Variants in CATSPERT observed in about 807,000 individuals in gnomAD.
The protein encoded by CATSPERT is cation channel sperm-associated targeting subunit tau.
the CATSPERT span, among the ~76,000 whole-genome samples, chr2:201,562,528 T>G: frequency 2.3e-5 from 1 of 43,470 alleles, no homozygotes; most frequent in Non-Finnish European, 5.0e-5. Flanking sequence ...ATTTATTTAT[T>G]TTTTTTATTG....
chr2:201,498,706 AT>A, the CATSPERT span, among the ~76,000 whole-genome samples: 18 of 152,194 alleles, frequency 1.2e-4, no homozygotes, highest in Non-Finnish European at 2.4e-4. Flanking sequence ...GTCCATAGTT[AT>A]TAAAGAGCTG....
At chr2:201,583,662 C>T in the CATSPERT span, among the ~76,000 whole-genome samples, 3 of 152,232 alleles carry the variant, frequency 2.0e-5, no homozygotes, top group Non-Finnish European at 2.9e-5. Flanking sequence ...ACAAATCTTG[C>T]GTAGAGCTCC....
At chr2:201,497,736 A>G in the CATSPERT span, among the ~76,000 whole-genome samples, 1 of 152,228 alleles carries the variant, frequency 6.6e-6, no homozygotes, top group African/African-American at 2.4e-5. Context: ...TATTGGGGGA[A>G]TGCTCTAGGT....
chr2:201,579,539 C>G, the CATSPERT span, among the ~76,000 whole-genome samples: 1 of 152,172 alleles, frequency 6.6e-6, no homozygotes, highest in African/African-American at 2.4e-5. Context: ...CTCCCTCAGC[C>G]TCCCAAAGTC....
chr2:201,592,576 C>T, the CATSPERT span, among the ~76,000 whole-genome samples: 2 of 150,754 alleles, frequency 1.3e-5, no homozygotes, highest in African/African-American at 4.9e-5. Flanking sequence ...CTCCTTGTAC[C>T]TCTGGTAGAA....
the CATSPERT span, among the ~76,000 whole-genome samples, chr2:201,573,763 TCTC>T: frequency 6.6e-6 from 1 of 152,114 alleles, no homozygotes; most frequent in East Asian, 1.9e-4. Context: ...TTCAAGCGAT[TCTC>T]CTGCCCCAGC....
chr2:201,500,636 T>C, the CATSPERT span, among the ~76,000 whole-genome samples: 2 of 152,192 alleles, frequency 1.3e-5, no homozygotes, highest in East Asian at 3.9e-4. Flanking sequence ...CCTGGAGATA[T>C]AAAGTCCATC....
At chr2:201,563,212 C>T in the CATSPERT span, among the ~76,000 whole-genome samples, 4 of 125,668 alleles carry the variant, frequency 3.2e-5, no homozygotes, top group African/African-American at 9.0e-5. Flanking sequence ...ACCTCCCTCC[C>T]GGACTGGGCG....
the CATSPERT span, among the ~76,000 whole-genome samples, chr2:201,584,311 A>T: frequency 4.6e-5 from 7 of 151,886 alleles, no homozygotes; most frequent in Non-Finnish European, 1.0e-4. Flanking sequence ...TAGTAATAAA[A>T]TAAAATAAAG....
chr2:201,489,171 G>A, the CATSPERT span, among the ~76,000 whole-genome samples: 1 of 152,330 alleles, frequency 6.6e-6, no homozygotes, highest in South Asian at 2.1e-4. Context: ...TTAGAGGAAA[G>A]TTTAGGAACA....
chr2:201,537,879 T>C, the CATSPERT span, among the ~76,000 whole-genome samples: 2 of 151,876 alleles, frequency 1.3e-5, no homozygotes, highest in Non-Finnish European at 2.9e-5. Flanking sequence ...TTCCTAGAAA[T>C]ATAAGGAATA....
chr2:201,494,550 G>C, the CATSPERT span: 1 of 1,536,970 alleles, frequency 6.5e-7, no homozygotes, highest in East Asian at 2.4e-5. Flanking sequence ...TTGTTGTGAA[G>C]ATATTAGGGT....
the CATSPERT span, among the ~76,000 whole-genome samples, chr2:201,607,852 C>A: frequency 6.6e-6 from 1 of 152,142 alleles, no homozygotes; most frequent in Non-Finnish European, 1.5e-5. Context: ...AAAATGAGGT[C>A]ATCAGGGTGG....
chr2:201,508,096 C>G, the CATSPERT span, among the ~76,000 whole-genome samples: 2 of 152,146 alleles, frequency 1.3e-5, no homozygotes, highest in Admixed American at 1.3e-4. Context: ...AATTTCAAAG[C>G]AGCAGGAAAA....
At chr2:201,487,888 T>A in the CATSPERT span, 1 of 1,608,464 alleles carries the variant, frequency 6.2e-7, no homozygotes, top group Non-Finnish European at 8.5e-7. Flanking sequence ...AATCCTCAAA[T>A]TTATCTGAAC....
chr2:201,574,570 C>T, the CATSPERT span, among the ~76,000 whole-genome samples: 10 of 152,172 alleles, frequency 6.6e-5, no homozygotes, highest in South Asian at 2.1e-4. Flanking sequence ...CATATATACA[C>T]GTGATTCAAA....
the CATSPERT span, among the ~76,000 whole-genome samples, chr2:201,608,826 AAAAG>A: frequency 0.057 from 8,619 of 150,320 alleles, 299 homozygotes; most frequent in Middle Eastern, 0.097. Flanking sequence ...CAAAAAAAAA[AAAAG>A]AAAGAAACAA....
the CATSPERT span, among the ~76,000 whole-genome samples, chr2:201,609,177 G>C: frequency 1.3e-5 from 2 of 152,116 alleles, no homozygotes; most frequent in African/African-American, 4.8e-5. Flanking sequence ...CCCAACACCA[G>C]AGTACTCAGA....
the CATSPERT span, among the ~76,000 whole-genome samples, chr2:201,596,620 T>C: frequency 1.3e-5 from 2 of 152,226 alleles, no homozygotes; most frequent in African/African-American, 4.8e-5. Flanking sequence ...CTCAACTATA[T>C]GTTATAAATT....
Sources: gnomAD v4.1 joint callset for allele counts (sites outside exome capture counted in the v4.1 genomes callset) on GRCh38, gnomAD v4.1.1 for gene constraint, MANE v1.5 for transcripts, NCBI Gene and HGNC (gene_info 2026-07-23, HGNC 2026-07-21) for gene names.